The following KCNIP4 variants were observed in gnomAD, a reference collection of about 807,000 sequenced individuals.
The protein encoded by KCNIP4 is Kv channel-interacting protein 4.
In KCNIP4, 12 loss-of-function variants were observed where a neutral mutation model predicts 34.0. The observed-to-expected ratio is 0.35, with a 90% CI of 0.23 to 0.57. The LOEUF is 0.57. Ranked by LOEUF, KCNIP4 falls within the 20% of genes least tolerant of loss-of-function variation. The pLI is 0.83. For synonymous variants in KCNIP4, 124 were observed against 102.2 expected (o/e 1.21, Z -1.29); for missense variants, 238 against 311.7 (o/e 0.76, Z 1.78).
intron 1 of KCNIP4, among the ~76,000 whole-genome samples, chr4:20,953,928 A>G (rs1216239338): frequency 6.6e-6 from 1 of 152,150 alleles, no homozygotes. Context: ...TGGGCCATGC[A>G]GGTTAGCAAG....
intron 1 of KCNIP4, among the ~76,000 whole-genome samples, chr4:21,100,791 G>C (rs989650117): frequency 3.2e-4 from 49 of 152,170 alleles, no homozygotes; most frequent in Middle Eastern, 6.8e-3. Flanking sequence ...CAACAATATA[G>C]TTTAAACACA....
chr4:21,256,934 C>T (rs966170223), intron 1 of KCNIP4, among the ~76,000 whole-genome samples: 2 of 152,132 alleles, frequency 1.3e-5, no homozygotes, highest in African/African-American at 4.8e-5. Context: ...TCTCTATATG[C>T]GTACTTGTTG....
intron 1 of KCNIP4, among the ~76,000 whole-genome samples, chr4:21,805,676 T>G (rs757693582): frequency 6.6e-6 from 1 of 152,124 alleles, no homozygotes; most frequent in Non-Finnish European, 1.5e-5. Flanking sequence ...ATCTGTAATA[T>G]CTCTATACTC....
intron 1 of KCNIP4, among the ~76,000 whole-genome samples, chr4:21,140,061 G>A (rs370316297): frequency 6.6e-6 from 1 of 152,092 alleles, no homozygotes; most frequent in East Asian, 1.9e-4. Flanking sequence ...CACTCTCTCA[G>A]ATTCAAAAGT....
chr4:21,726,569 C>T (rs1355816077), intron 1 of KCNIP4, among the ~76,000 whole-genome samples: 4 of 152,134 alleles, frequency 2.6e-5, no homozygotes, highest in Admixed American at 2.0e-4. Context: ...AGGCCAGCAA[C>T]AATTTGAGTC....
intron 1 of KCNIP4, among the ~76,000 whole-genome samples, chr4:21,928,123 T>TAC (rs201691328): frequency 0.082 from 10,088 of 123,028 alleles, 795 homozygotes; most frequent in African/African-American, 0.22. Flanking sequence ...TATATATATA[T>TAC]ATATACACAC....
At chr4:21,200,373 T>TAC (rs1756397085) in intron 1 of KCNIP4, among the ~76,000 whole-genome samples, 1 of 60,130 alleles carries the variant, frequency 1.7e-5, no homozygotes, top group African/African-American at 1.7e-4. Context: ...TATACATACA[T>TAC]ATATGTGTGT....
intron 1 of KCNIP4, among the ~76,000 whole-genome samples, chr4:20,958,864 C>T (rs767863213): frequency 2.6e-5 from 4 of 152,182 alleles, no homozygotes; most frequent in Non-Finnish European, 5.9e-5. Context: ...TGGCAGACAC[C>T]TTCTTACCAA....
At chr4:21,036,482 A>G (rs1371080538) in intron 1 of KCNIP4, among the ~76,000 whole-genome samples, 2 of 152,236 alleles carry the variant, frequency 1.3e-5, no homozygotes, top group African/African-American at 4.8e-5. Flanking sequence ...GAAGGAAAAG[A>G]TAAGTGCAGG....
intron 1 of KCNIP4, among the ~76,000 whole-genome samples, chr4:21,884,362 A>ACTTC (rs1726638867): frequency 6.6e-6 from 1 of 152,046 alleles, no homozygotes; most frequent in Non-Finnish European, 1.5e-5. Flanking sequence ...CAGGAGGAGC[A>ACTTC]CTTCCAGACA....
intron 1 of KCNIP4, among the ~76,000 whole-genome samples, chr4:21,007,734 C>A (rs983954862): frequency 2.0e-5 from 3 of 152,172 alleles, no homozygotes; most frequent in Non-Finnish European, 4.4e-5. Flanking sequence ...CAGAAGAAAA[C>A]AATGGCGCCA....
intron 1 of KCNIP4, among the ~76,000 whole-genome samples, chr4:21,553,489 C>T (rs1479887043): frequency 6.6e-6 from 1 of 152,088 alleles, no homozygotes; most frequent in African/African-American, 2.4e-5. Context: ...CTGAGATGGG[C>T]CTCACCTGTC....
chr4:20,764,704 A>ACACACC (rs1409060255), intron 3 of KCNIP4, among the ~76,000 whole-genome samples: 1 of 151,574 alleles, frequency 6.6e-6, no homozygotes, highest in African/African-American at 2.4e-5. Flanking sequence ...ACACACACAC[A>ACACACC]CACAACCCCA....
chr4:21,370,673 G>A (rs1039852665), intron 1 of KCNIP4, among the ~76,000 whole-genome samples: 2 of 140,462 alleles, frequency 1.4e-5, no homozygotes, highest in African/African-American at 3.1e-5. Flanking sequence ...GCTCTGAAGC[G>A]CTGAGAGTGA....
intron 1 of KCNIP4, among the ~76,000 whole-genome samples, chr4:21,517,157 A>T (rs1018788353): frequency 6.6e-6 from 1 of 152,186 alleles, no homozygotes; most frequent in East Asian, 1.9e-4. Flanking sequence ...GGGGTTGTAC[A>T]TCCTCCATGA....
Position 20,996,056 on chromosome 4 carries a change from C to T in KCNIP4, c.62-113347G>A, listed in dbSNP as rs369683466. ...ACCATGAGTGGCAGCTCAATCATTCCTTTAATGAGTCAATTAACAACACTT... is the reference window on the plus strand; with the variant it reads ...ACCATGAGTGGCAGCTCAATCATTCTTTTAATGAGTCAATTAACAACACTT... On this transcript the variant is annotated intron_variant, in intron 1 of 8. Transcript: ENST00000382152. 2.0e-4 allele frequency among the ~76,000 whole-genome samples: 30 copies of T among 152,266 alleles called. No individual in the cohort carries two copies. In the East Asian group the frequency reaches 5.6e-3, roughly 28 times the overall value.
chr4:21,306,748 G>A (rs1171774166), intron 1 of KCNIP4, among the ~76,000 whole-genome samples: 3 of 151,970 alleles, frequency 2.0e-5, no homozygotes, highest in Non-Finnish European at 4.4e-5. Context: ...ATATATGAAT[G>A]TCCATAGTCA....
chr4:21,534,838 G>C (rs1397297750), intron 1 of KCNIP4, among the ~76,000 whole-genome samples: 1 of 152,134 alleles, frequency 6.6e-6, no homozygotes, highest in Non-Finnish European at 1.5e-5. Flanking sequence ...GGACCTCCAT[G>C]AGGGGCAGAA....
chr4:21,813,698 T>A (rs544428242), intron 1 of KCNIP4, among the ~76,000 whole-genome samples: 1 of 152,260 alleles, frequency 6.6e-6, no homozygotes, highest in East Asian at 1.9e-4. Context: ...ATAAATGATA[T>A]ACATTTCAAA....
Sources: allele counts gnomAD v4.1 joint callset (sites outside exome capture counted in the v4.1 genomes callset), GRCh38; gene constraint gnomAD v4.1.1; transcripts MANE v1.5; gene names NCBI Gene and HGNC (gene_info 2026-07-23, HGNC 2026-07-21).